Variants in PCSK6 observed in about 807,000 individuals in gnomAD.
PCSK6 encodes paired basic amino acid cleaving enzyme 4.
A neutral mutation model predicts 123.3 loss-of-function variants in PCSK6; 85 were observed. That is an observed-to-expected ratio of 0.69 (90% confidence interval 0.58 to 0.83). The LOEUF (loss-of-function observed/expected upper bound fraction) is 0.83, where lower values mean the gene tolerates loss of function less well. Ranked by LOEUF, PCSK6 falls within the 40% of genes least tolerant of loss-of-function variation. The pLI is 0.00. For missense variants in PCSK6, 1,191 were observed against 1,282.3 expected (o/e 0.93, Z 1.09); for synonymous variants, 508 against 516.0 (o/e 0.98, Z 0.21).
chr15:101,319,624 A>G (rs967366869), intron 18 of PCSK6, among the ~76,000 whole-genome samples: 4 of 152,206 alleles, frequency 2.6e-5, no homozygotes, highest in Admixed American at 2.6e-4. Context: ...GAGGGGCTGA[A>G]GGCTGAATTG....
intron 1 of PCSK6, among the ~76,000 whole-genome samples, chr15:101,480,105 T>C (rs1183028743): frequency 6.6e-6 from 1 of 152,194 alleles, no homozygotes; most frequent in Non-Finnish European, 1.5e-5. Flanking sequence ...ACTGATGGAT[T>C]CCCCCCAGGG....
At chr15:101,384,833 C>T (rs146591379) in intron 9 of PCSK6, among the ~76,000 whole-genome samples, 5 of 152,262 alleles carry the variant, frequency 3.3e-5, no homozygotes, top group African/African-American at 4.8e-5. Flanking sequence ...CACGATTGGC[C>T]GAGATTCCAT....
At position 101,432,117 on chromosome 15, in the gene PCSK6, A is replaced by G. The variant is rs1284980603; in HGVS notation, c.403-17T>C. The G allele has an allele frequency of 5.7e-6, 9 of 1,586,180 alleles. No homozygotes were observed. In the African/African-American group the frequency reaches 1.2e-4, roughly 21 times the overall value. ...CCATTTCACCTACCAGAAGAAATGC[A>G]ATTACTGTTTATATTAGAAATGATT... On this transcript the variant is annotated splice_polypyrimidine_tract_variant and intron_variant, in intron 2 of 21. Transcript: ENST00000611716.
chr15:101,324,205 C>T (rs1189596770), intron 17 of PCSK6, among the ~76,000 whole-genome samples: 2 of 152,202 alleles, frequency 1.3e-5, no homozygotes, highest in Non-Finnish European at 2.9e-5. Context: ...TTCAGGGGTG[C>T]GGTTGCCACC....
At chr15:101,377,113 C>T (rs1038060108) in intron 11 of PCSK6, among the ~76,000 whole-genome samples, 4 of 152,248 alleles carry the variant, frequency 2.6e-5, no homozygotes, top group Non-Finnish European at 5.9e-5. Context: ...GTGTCTGATC[C>T]GCACGGCACT....
At chr15:101,377,386 G>T (rs145298283) in intron 11 of PCSK6, among the ~76,000 whole-genome samples, 203 of 152,282 alleles carry the variant, frequency 1.3e-3, no homozygotes, top group Non-Finnish European at 2.4e-3. Context: ...ACCTAGGGGG[G>T]CAAGGTGGAC....
intron 1 of PCSK6, among the ~76,000 whole-genome samples, chr15:101,458,662 C>G (rs906615841): frequency 6.6e-6 from 1 of 152,190 alleles, no homozygotes; most frequent in Non-Finnish European, 1.5e-5. Context: ...GCTCCACATA[C>G]CCAGCAGATT....
At chr15:101,368,054 G>A (rs2041453833) in intron 12 of PCSK6, among the ~76,000 whole-genome samples, 2 of 152,222 alleles carry the variant, frequency 1.3e-5, no homozygotes, top group South Asian at 4.1e-4. Context: ...GACCTCAGGT[G>A]ATCCACCCAC....
intron 1 of PCSK6, among the ~76,000 whole-genome samples, chr15:101,482,566 G>A (rs567632276): frequency 6.6e-5 from 10 of 152,248 alleles, no homozygotes; most frequent in South Asian, 4.1e-4. Context: ...GTTCCCAGCC[G>A]GCATGCAGTT....
intron 18 of PCSK6, 134 bp downstream of exon 18, chr15:101,322,386 G>T: frequency 1.6e-6 from 1 of 638,012 alleles, no homozygotes. Context: ...CCAGGACTCG[G>T]AATCTTTACC....
At chr15:101,321,769 C>T (rs1426436283) in intron 18 of PCSK6, among the ~76,000 whole-genome samples, 1 of 152,190 alleles carries the variant, frequency 6.6e-6, no homozygotes, top group Non-Finnish European at 1.5e-5. Context: ...GTGGGCTCTG[C>T]CCAGACCTGC....
chr15:101,373,491 G>A (rs2041645451), intron 11 of PCSK6, among the ~76,000 whole-genome samples: 1 of 152,178 alleles, frequency 6.6e-6, no homozygotes, highest in South Asian at 2.1e-4. Flanking sequence ...CCACCTTCCT[G>A]ACATGCAGTT....
chr15:101,347,279 A>T, intron 13 of PCSK6: 1 of 1,232,486 alleles, frequency 8.1e-7, no homozygotes, highest in Non-Finnish European at 1.0e-6. Context: ...AGAAATGAAG[A>T]TTAGCTCAAA....
At chr15:101,429,792 T>C (rs962659949) in intron 5 of PCSK6, among the ~76,000 whole-genome samples, 195 bp downstream of exon 5, 4 of 152,262 alleles carry the variant, frequency 2.6e-5, no homozygotes, top group African/African-American at 9.6e-5. Flanking sequence ...AGGAACAGGC[T>C]GACTCCACAG....
At chr15:101,310,263 C>T (rs1333081055) in intron 20 of PCSK6, among the ~76,000 whole-genome samples, 4 of 152,252 alleles carry the variant, frequency 2.6e-5, no homozygotes, top group Admixed American at 6.5e-5. Flanking sequence ...AAAGCTGCCC[C>T]TCACCTGGGA....
chr15:101,453,749 T>C (rs1438519273), intron 1 of PCSK6, among the ~76,000 whole-genome samples: 1 of 152,252 alleles, frequency 6.6e-6, no homozygotes, highest in East Asian at 1.9e-4. Context: ...CACTGTTTAC[T>C]TTTTTCTTTC....
chr15:101,411,283 G>A (rs1469220370), intron 6 of PCSK6, among the ~76,000 whole-genome samples: 2 of 152,298 alleles, frequency 1.3e-5, no homozygotes, highest in South Asian at 2.1e-4. Flanking sequence ...AAGGAGCTAG[G>A]GTGGCAGGTC....
intron 9 of PCSK6, among the ~76,000 whole-genome samples, chr15:101,389,014 G>A (rs1343957418): frequency 6.6e-6 from 1 of 152,106 alleles, no homozygotes; most frequent in Non-Finnish European, 1.5e-5. Flanking sequence ...CCTTTAAAAA[G>A]GTAATTAACA....
rs572046504 is a variant in PCSK6, at chr15:101,367,947, C to T, written c.1722-1615G>A. Among the ~76,000 whole-genome samples the T allele has an allele frequency of 9.2e-5, 14 of 152,340 alleles. No homozygotes were observed. The South Asian group carries it at 2.9e-3, about 32-fold the overall frequency. On this transcript the variant is annotated intron_variant, in intron 12 of 21. Transcript: ENST00000611716. ...TCAAGTGATTCTCTTGCCTCAGCCT[C>T]CCAAGTAGCTGGGATCACAGGTGCG...
Sources: gnomAD v4.1 joint callset for allele counts (sites outside exome capture counted in the v4.1 genomes callset) on GRCh38, gnomAD v4.1.1 for gene constraint, MANE v1.5 for transcripts, NCBI Gene and HGNC (gene_info 2026-07-23, HGNC 2026-07-21) for gene names.